The following FASTKD1 variants were observed in gnomAD, a reference collection of about 807,000 sequenced individuals.
FASTKD1 encodes FAST kinase domains 1, also known as FAST kinase domain-containing protein 1, mitochondrial.
FASTKD1 carries 94 observed loss-of-function variants against 90.9 expected under a neutral mutation model. That is an observed-to-expected ratio of 1.03 (90% CI 0.88 to 1.23). The LOEUF is 1.23. Ranked by LOEUF, FASTKD1 falls within the 50% of genes most tolerant of loss-of-function variation. FASTKD1 has a pLI of 0.00. For synonymous variants in FASTKD1, 319 were observed against 345.8 expected (o/e 0.92, Z 0.86); for missense variants, 945 against 993.5 (o/e 0.95, Z 0.66).
At position 169,563,414 on chromosome 2, in the gene FASTKD1, T is replaced by C. The variant is rs1164897565; in HGVS notation, c.447-64A>G. ...ACTTTCACTTAAAACACATAATATA[T>C]AGTTATAAAATTAAAAGCAATCAAA... On this transcript the variant is annotated intron_variant, in intron 3 of 14. Transcript: ENST00000453153. The C allele has an allele frequency of 1.8e-5, 21 of 1,172,464 alleles. No homozygotes were observed. The South Asian group carries it at 3.5e-4, about 20-fold the overall frequency. 72.6% of individuals were successfully genotyped at this position (1,172,464 alleles called of 1,614,324 possible). A position where few individuals can be genotyped will look rare whatever the true frequency, so the allele number is the denominator to read the frequency against.
At chr2:169,541,029 C>G (rs1164514248) in intron 9 of FASTKD1, among the ~76,000 whole-genome samples, 4 of 152,188 alleles carry the variant, frequency 2.6e-5, no homozygotes, top group Non-Finnish European at 5.9e-5. Context: ...TTACTAAGGA[C>G]AGAAGAGACA....
At chr2:169,531,302 A>G (rs377543407) in intron 13 of FASTKD1, 50 bp downstream of exon 13, 26 of 1,580,506 alleles carry the variant, frequency 1.6e-5, no homozygotes, top group African/African-American at 4.0e-5. Flanking sequence ...ATAGTACACC[A>G]AATTTAACAT....
chr2:169,555,354 C>T (rs961301543), intron 6 of FASTKD1, 99 bp from the exon 7 acceptor site: 19 of 987,498 alleles, frequency 1.9e-5, no homozygotes, highest in Admixed American at 1.1e-4. Flanking sequence ...GCTGGAGAAA[C>T]GGCAATGAAT....
rs1366693014 is a variant in FASTKD1 at position 169,560,408 on chromosome 2, G to T, written c.950C>A (p.Ala317Glu). Residue 317 changes from alanine to glutamate, a missense_variant, in exon 5 of 15, where the codon GCA becomes GAA. Ala to Glu is a moderately radical substitution (Grantham distance 107). Transcript: ENST00000453153. ...VKLFVALGPI[A>E]GPEEKKQLKS... ...TTACTGTTTCTTTTCTTCAGGTCCT[G>T]CAATGGGTCCCAATGCTACAAACAA... 6.5e-7 allele frequency: 1 copy of T among 1,546,020 alleles called. No individual in the cohort carries two copies. The highest frequency in any genetic ancestry group is 8.7e-7 in the Non-Finnish European group (1 of 1,155,170).
intron 10 of FASTKD1, among the ~76,000 whole-genome samples, chr2:169,539,018 A>C (rs1208877018): frequency 6.6e-6 from 1 of 152,170 alleles, no homozygotes; most frequent in Non-Finnish European, 1.5e-5. Flanking sequence ...CTGTAATCCT[A>C]CCACTTTGTG....
intron 4 of FASTKD1, among the ~76,000 whole-genome samples, chr2:169,561,186 T>C (rs1216676533): frequency 6.6e-6 from 1 of 150,910 alleles, no homozygotes; most frequent in African/African-American, 2.4e-5. Context: ...TAATCCCAGC[T>C]ACTCAGGAGG....
chr2:169,541,460 T>TA (rs1486580725), intron 9 of FASTKD1, among the ~76,000 whole-genome samples: 1 of 152,162 alleles, frequency 6.6e-6, no homozygotes, highest in Non-Finnish European at 1.5e-5. Flanking sequence ...GTTGTGTTAC[T>TA]AAAAAGGGGT....
At chr2:169,570,628 G>C (rs1684192053) in intron 2 of FASTKD1, among the ~76,000 whole-genome samples, 1 of 150,094 alleles carries the variant, frequency 6.7e-6, no homozygotes, top group African/African-American at 2.5e-5. Context: ...TTGCAAACAA[G>C]TTATCACAGA....
intron 2 of FASTKD1, among the ~76,000 whole-genome samples, chr2:169,570,349 T>C (rs1465259554): frequency 6.6e-6 from 1 of 152,172 alleles, no homozygotes; most frequent in East Asian, 1.9e-4. Flanking sequence ...CTTTGCTCTC[T>C]TCATTTTTTC....
intron 8 of FASTKD1, 138 bp downstream of exon 8, chr2:169,546,080 G>A: frequency 2.2e-6 from 2 of 897,514 alleles, no homozygotes; most frequent in Admixed American, 3.0e-5. Flanking sequence ...ACAGGCTTGA[G>A]CTACCACATC....
intron 4 of FASTKD1, among the ~76,000 whole-genome samples, chr2:169,561,890 T>C (rs971262334): frequency 2.8e-5 from 4 of 142,978 alleles, no homozygotes; most frequent in African/African-American, 1.0e-4. Context: ...TATTGTAAAT[T>C]ATTTATTATA....
Position 169,546,592 on chromosome 2 carries a change from A to G in FASTKD1, c.1327T>C (p.Leu443=), listed in dbSNP as rs1685213285. Reference sequence around the variant, plus strand: ...AGGTTATTTAGGTCACACTGTGGTAAAACGGCTTCAATTCGGGATATCCCC... The same window carrying G: ...AGGTTATTTAGGTCACACTGTGGTAGAACGGCTTCAATTCGGGATATCCCC... ...EVGISRIEAV[L]PQCDLNNLSS... Residue 443 remains leucine (L), a synonymous_variant, in exon 8 of 15, where the codon TTA becomes CTA. Coordinates refer to ENST00000453153, the MANE Select transcript of FASTKD1 (RefSeq NM_024622.6). The G allele has an allele frequency of 6.2e-7, 1 of 1,614,192 alleles. No homozygotes were observed. The highest frequency in any genetic ancestry group is 1.3e-5 in the African/African-American group (1 of 75,064).
At position 169,571,671 on chromosome 2, in the gene FASTKD1, A is replaced by G. The variant is rs1014711896; in HGVS notation, c.359T>C (p.Val120Ala). ...TACTTACTGTTGTGTGACGTATAACACATTCACCAGGGTATCGTCATTCAT... is the reference window on the plus strand; with the variant it reads ...TACTTACTGTTGTGTGACGTATAACGCATTCACCAGGGTATCGTCATTCAT... ...KLMNDDTLVNVLYVTQQFAGE... is the reference protein window; with the variant it reads ...KLMNDDTLVNALYVTQQFAGE... Residue 120 changes from valine to alanine, a missense_variant, in exon 2 of 15, where the codon GTG becomes GCG. Transcript: ENST00000453153. The G allele has an allele frequency of 6.2e-7, 1 of 1,601,284 alleles. No individual in the cohort carries two copies. Among genetic ancestry groups the G allele is most frequent in the Non-Finnish European group, 8.5e-7 (1 of 1,169,808 alleles).
chr2:169,551,111 T>C (rs1685471096), intron 7 of FASTKD1, among the ~76,000 whole-genome samples: 1 of 152,116 alleles, frequency 6.6e-6, no homozygotes, highest in Non-Finnish European at 1.5e-5. Context: ...TCCTGGGTTA[T>C]AGGGGAAAAA....
chr2:169,572,188 T>G lies in FASTKD1; in HGVS notation c.-142-17A>C. On this transcript the variant is annotated splice_polypyrimidine_tract_variant and intron_variant, in intron 1 of 14. Transcript: ENST00000453153. ...GTACAGCTTCTATAAAAGAATTGGT[T>G]TAACATGGTTATGCTTACATCATTA... 1 of 732,938 alleles carries G rather than the reference T, an allele frequency of 1.4e-6. No homozygotes were observed. 45.4% of individuals were successfully genotyped at this position (732,938 alleles called of 1,614,324 possible). A position where few individuals can be genotyped will look rare whatever the true frequency, so the allele number is the denominator to read the frequency against.
At chr2:169,555,972 C>A (rs1419239733) in intron 6 of FASTKD1, among the ~76,000 whole-genome samples, 2 of 150,940 alleles carry the variant, frequency 1.3e-5, no homozygotes, top group African/African-American at 4.9e-5. Flanking sequence ...CCCAGGAGTT[C>A]AAGATCAGAC....
Position 169,544,786 on chromosome 2 carries a change from T to A in FASTKD1, c.1751A>T (p.Asn584Ile). 6.2e-7 allele frequency: 1 copy of A among 1,613,136 alleles called. No individual in the cohort carries two copies. Among genetic ancestry groups the A allele is most frequent in the Non-Finnish European group, 8.5e-7 (1 of 1,179,256 alleles). Residue 584 changes from asparagine to isoleucine, a missense_variant, in exon 9 of 15, where the codon AAC becomes ATC. Physicochemically the swap from Asn to Ile is moderately radical, Grantham distance 149 (BLOSUM62 -3). Coordinates refer to ENST00000453153, the MANE Select transcript of FASTKD1 (RefSeq NM_024622.6). ...PAIIRPFSVL[N>I]YDPPQRDEFL... ...TTCATCCCTTTGAGGTGGATCATAG[T>A]TCAATACGCTGAATGGACGAATAAT...
intron 4 of FASTKD1, among the ~76,000 whole-genome samples, chr2:169,562,698 T>C (rs922208010): frequency 6.6e-6 from 1 of 152,120 alleles, no homozygotes; most frequent in African/African-American, 2.4e-5. Context: ...TCAAGGATGT[T>C]TGCATAGCAA....
At chr2:169,568,270 CT>C (rs1350126580) in intron 3 of FASTKD1, among the ~76,000 whole-genome samples, 1 of 152,094 alleles carries the variant, frequency 6.6e-6, no homozygotes, top group East Asian at 1.9e-4. Flanking sequence ...ACTAGGGTCT[CT>C]TTTTTTCTCC....
Sources: allele counts gnomAD v4.1 joint callset (sites outside exome capture counted in the v4.1 genomes callset), GRCh38; gene constraint gnomAD v4.1.1; transcripts MANE v1.5; gene names NCBI Gene and HGNC (gene_info 2026-07-23, HGNC 2026-07-21).